Variants in PARD3B observed in about 807,000 individuals in gnomAD.
The protein encoded by PARD3B is partitioning defective 3 homolog B.
In PARD3B, 103 loss-of-function variants were observed where a neutral mutation model predicts 130.2. The observed-to-expected ratio is 0.79, with a 90% CI of 0.67 to 0.93. PARD3B has a LOEUF of 0.93. Among genes scored for constraint, PARD3B ranks in the 40% least tolerant of loss-of-function variants. PARD3B has a pLI of 0.00. For missense variants in PARD3B, 1,609 were observed against 1,499.2 expected (o/e 1.07, Z -1.21); for synonymous variants, 583 against 553.2 (o/e 1.05, Z -0.76).
intron 3 of PARD3B, among the ~76,000 whole-genome samples, chr2:205,032,751 T>C (rs1697514211): frequency 6.6e-6 from 1 of 152,200 alleles, no homozygotes; most frequent in South Asian, 2.1e-4. Flanking sequence ...ATCACCTTTT[T>C]AGTGTTCTTA....
At chr2:204,759,182 G>A (rs1330005264) in intron 2 of PARD3B, among the ~76,000 whole-genome samples, 1 of 151,834 alleles carries the variant, frequency 6.6e-6, no homozygotes, top group Non-Finnish European at 1.5e-5. Context: ...CACCTTTTTG[G>A]TTCCTCTGAA....
intron 2 of PARD3B, among the ~76,000 whole-genome samples, chr2:204,838,349 A>ATGTGTGTGTGTGTG (rs55688873): frequency 2.5e-3 from 338 of 135,428 alleles, no homozygotes; most frequent in African/African-American, 8.6e-3. Context: ...TACCTGGCTA[A>ATGTGTGTGTGTGTG]TGTGTGTGTG....
chr2:205,010,003 A>G (rs1010306454), intron 3 of PARD3B, among the ~76,000 whole-genome samples: 6 of 152,142 alleles, frequency 3.9e-5, no homozygotes, highest in African/African-American at 1.4e-4. Flanking sequence ...TTCATTTTAT[A>G]GAGAAACAGA....
intron 2 of PARD3B, among the ~76,000 whole-genome samples, chr2:204,923,915 G>T (rs1310014454): frequency 6.6e-6 from 1 of 151,992 alleles, no homozygotes; most frequent in Non-Finnish European, 1.5e-5. Context: ...GATCCGAATT[G>T]AATTTCAACA....
chr2:204,597,635 G>T (rs981931528), intron 1 of PARD3B, among the ~76,000 whole-genome samples: 1 of 152,192 alleles, frequency 6.6e-6, no homozygotes, highest in Non-Finnish European at 1.5e-5. Flanking sequence ...AAGTGGGCCA[G>T]TCAATAGTGA....
chr2:204,671,934 CTT>C (rs1488890038), intron 1 of PARD3B, among the ~76,000 whole-genome samples: 2 of 152,048 alleles, frequency 1.3e-5, no homozygotes, highest in Non-Finnish European at 2.9e-5. Flanking sequence ...CGTCGGAAAA[CTT>C]TTCCTCAACA....
At chr2:204,611,704 A>G (rs532170105) in intron 1 of PARD3B, among the ~76,000 whole-genome samples, 1 of 152,326 alleles carries the variant, frequency 6.6e-6, no homozygotes, top group East Asian at 1.9e-4. Flanking sequence ...TTCTTACTAT[A>G]TACATGTATG....
intron 13 of PARD3B, among the ~76,000 whole-genome samples, chr2:205,184,864 T>C (rs2036004299): frequency 6.6e-6 from 1 of 152,122 alleles, no homozygotes. Context: ...CTTTAAAAAC[T>C]GAGGCTTGGA....
At chr2:204,617,682 CAA>C (rs1162636764) in intron 1 of PARD3B, among the ~76,000 whole-genome samples, 1 of 152,136 alleles carries the variant, frequency 6.6e-6, no homozygotes, top group Admixed American at 6.5e-5. Flanking sequence ...GTGTAACACT[CAA>C]GAGGTAACTC....
At position 205,011,740 on chromosome 2, in the gene PARD3B, G is replaced by T. The variant is rs1227679310; in HGVS notation, c.395-35841G>T. Among the ~76,000 whole-genome samples, 13 of 151,796 alleles carry T rather than the reference G, an allele frequency of 8.6e-5. No individual in the cohort carries two copies. Among genetic ancestry groups the T allele is most frequent in the Non-Finnish European group, 1.5e-5 (1 of 67,970 alleles). ...TGACAGTGTTTAGGGAACCTAGCTT[G>T]GAAATAAAGAAGGGGTCTCACCATT... On this transcript the variant is annotated intron_variant, in intron 3 of 22. Coordinates refer to ENST00000406610, the MANE Select transcript of PARD3B (RefSeq NM_001302769.2). The surrounding 1 kb of genome is among the most constrained non-coding windows in gnomAD (Gnocchi z 4.1).
chr2:205,055,597 C>T (rs1197950947), intron 4 of PARD3B, among the ~76,000 whole-genome samples: 1 of 152,070 alleles, frequency 6.6e-6, no homozygotes, highest in Non-Finnish European at 1.5e-5. Context: ...TGGGTGATTT[C>T]CTCAGAAATT....
Position 205,158,685 on chromosome 2 carries a change from C to A in PARD3B, c.1435-37C>A, listed in dbSNP as rs556402627. On this transcript the variant is annotated intron_variant, in intron 10 of 22. Transcript: ENST00000406610. This position sits in a 1 kb window ranked among gnomAD's most constrained non-coding sequence, Gnocchi z 5.4. ...AGAGAGTGAAATATTAATCTGCTTT[C>A]TTCTCTTCACTCTTTTCATGTGTAT... The A allele has an allele frequency of 7.7e-6, 12 of 1,552,436 alleles. No individual in the cohort carries two copies. The highest frequency in any genetic ancestry group is 1.9e-5 in the Admixed American group (1 of 53,778).
chr2:204,579,182 C>T (rs1039667338), intron 1 of PARD3B, among the ~76,000 whole-genome samples: 11 of 151,944 alleles, frequency 7.2e-5, no homozygotes, highest in African/African-American at 2.7e-4. Flanking sequence ...TCATGGCCGC[C>T]ATTTTGTGAG....
rs558645315 is a variant in PARD3B at position 205,193,457 on chromosome 2, C to T, written c.2140+137C>T. ...AGAAGCCTGGAGGAAGGGATAATGG[C>T]CATCCCACCTTCCTATCTCTTCGCA... is the stretch of plus-strand genomic sequence containing the variant. On this transcript the variant is annotated intron_variant, in intron 15 of 22. Transcript: ENST00000406610. The T allele has an allele frequency of 3.7e-5, 23 of 625,110 alleles. 1 individual carries two copies. In the South Asian group the frequency reaches 4.8e-4, roughly 13 times the overall value. The allele number at this position is 625,110 out of a possible 1,614,324, so 38.7% of individuals were successfully genotyped here.
chr2:204,985,729 G>C (rs1159657494), intron 3 of PARD3B, among the ~76,000 whole-genome samples: 3 of 152,076 alleles, frequency 2.0e-5, no homozygotes, highest in Non-Finnish European at 2.9e-5. Context: ...GGTTTCATAT[G>C]GGGGGAAGAT....
At chr2:205,537,987 C>T (rs1400683679) in intron 21 of PARD3B, among the ~76,000 whole-genome samples, 1 of 152,176 alleles carries the variant, frequency 6.6e-6, no homozygotes, top group Non-Finnish European at 1.5e-5. Flanking sequence ...ACGTGTTTCT[C>T]TGCTTGCCTA....
chr2:204,695,335 C>A (rs919395754), intron 2 of PARD3B, among the ~76,000 whole-genome samples: 1 of 151,600 alleles, frequency 6.6e-6, no homozygotes, highest in African/African-American at 2.4e-5. Flanking sequence ...AAAATTATAC[C>A]AAATGGAAGA....
At chr2:204,567,716 C>T (rs552951231) in intron 1 of PARD3B, among the ~76,000 whole-genome samples, 46 of 152,260 alleles carry the variant, frequency 3.0e-4, no homozygotes, top group Non-Finnish European at 5.0e-4. Flanking sequence ...TCACTATTTT[C>T]GGGTGTATAC....
rs1351002915 is a variant in PARD3B, at chr2:204,799,466, C to T, written c.222+113184C>T. 2.0e-5 allele frequency among the ~76,000 whole-genome samples: 3 copies of T among 152,202 alleles called. No homozygotes were observed. Among genetic ancestry groups the T allele is most frequent in the Non-Finnish European group, 4.4e-5 (3 of 68,032 alleles). ...AGACCTCATTACCCTGACGGGGACA[C>T]AAGCCTCTCTGGGTTTCCCATCTGC... On this transcript the variant is annotated intron_variant, in intron 2 of 22. Coordinates refer to ENST00000406610, the MANE Select transcript of PARD3B (RefSeq NM_001302769.2). The surrounding 1 kb of genome is among the most constrained non-coding windows in gnomAD (Gnocchi z 4.1).
Sources: allele counts gnomAD v4.1 joint callset (sites outside exome capture counted in the v4.1 genomes callset), GRCh38; gene constraint gnomAD v4.1.1; non-coding constraint Gnocchi (gnomAD v3.1); transcripts MANE v1.5; gene names NCBI Gene and HGNC (gene_info 2026-07-23, HGNC 2026-07-21).